Variants in KCTD9 observed in about 807,000 individuals in gnomAD.
KCTD9 encodes BTB/POZ domain-containing protein KCTD9.
In KCTD9, 17 loss-of-function variants were observed where a neutral mutation model predicts 53.3. The observed-to-expected ratio is 0.32, with a 90% CI of 0.22 to 0.48. The LOEUF (loss-of-function observed/expected upper bound fraction) is 0.48. KCTD9 is among the 20% of genes least tolerant of loss of function. The probability of loss-of-function intolerance (pLI) is 0.99; values close to 1 mark genes in which losing one functional copy is unlikely to be tolerated. For missense variants in KCTD9, 179 were observed against 465.5 expected, an observed-to-expected ratio of 0.38 and a Z score of 5.66; for synonymous variants, 128 against 162.7, an observed-to-expected ratio of 0.79 and a Z score of 1.62.
chr8:25,451,285 C>T lies in KCTD9; in HGVS notation c.49-5035G>A, dbSNP rs140144689. On this transcript the variant is annotated intron_variant, in intron 1 of 11. Coordinates refer to ENST00000221200, the MANE Select transcript of KCTD9 (RefSeq NM_017634.4). ...ACATATGGAAAAGATGATTAAGTTACGGAGAAAGTTGCAAACAGACTGGCA... is the reference window on the plus strand; with the variant it reads ...ACATATGGAAAAGATGATTAAGTTATGGAGAAAGTTGCAAACAGACTGGCA... Among the ~76,000 whole-genome samples, 338 of 152,196 alleles carry T rather than the reference C, an allele frequency of 2.2e-3. 4 individuals are homozygous for T. Among genetic ancestry groups the T allele is most frequent in the African/African-American group, 7.8e-3 (324 of 41,518 alleles).
rs1801884683 is a variant in KCTD9, at chr8:25,429,050, G to T, written c.*807C>A. ...GAAAACTAGGCTAATAGTGTAAATA[G>T]ATAGAATTGCTTGATCTGGTGTTGA... is the stretch of plus-strand genomic sequence containing the variant. On this transcript the variant is annotated 3_prime_UTR_variant, in exon 12 of 12. Transcript: ENST00000221200. 6.6e-6 allele frequency: 1 copy of T among 152,164 alleles called. No individual in the cohort carries two copies. Among genetic ancestry groups the T allele is most frequent in the Non-Finnish European group, 1.5e-5 (1 of 68,026 alleles). The allele number at this position is 152,164 out of a possible 1,614,324, so 9.4% of individuals were successfully genotyped here.
At position 25,432,650 on chromosome 8, in the gene KCTD9, C is replaced by T. The variant is rs781641755; in HGVS notation, c.920-13G>A. On this transcript the variant is annotated splice_polypyrimidine_tract_variant and intron_variant, in intron 10 of 11. Coordinates refer to ENST00000221200, the MANE Select transcript of KCTD9 (RefSeq NM_017634.4). ...TTCAGATTAGCACCTACAGTGAACA[C>T]ATTCTGGGAGTAGTTTAACTTAAAA... The T allele has an allele frequency of 7.5e-6, 12 of 1,601,208 alleles. No homozygotes were observed. The Admixed American group carries it at 2.1e-4, about 28-fold the overall frequency.
chr8:25,436,486 C>A lies in KCTD9; in HGVS notation c.500-1G>T. 1 of 1,544,446 alleles carries A rather than the reference C, an allele frequency of 6.5e-7. No homozygotes were observed. The highest frequency in any genetic ancestry group is 8.7e-7 in the Non-Finnish European group (1 of 1,147,732). On this transcript the variant is annotated splice_acceptor_variant, in intron 6 of 11. Coordinates refer to ENST00000221200, the MANE Select transcript of KCTD9 (RefSeq NM_017634.4). LOFTEE classifies it high-confidence loss of function. ...AAAAATCTTGCTTCTTCTAACACAC[C>A]TATCAGAACAAAAATAATTCTGAAA... is the stretch of plus-strand genomic sequence containing the variant.
intron 9 of KCTD9, 134 bp downstream of exon 9, chr8:25,435,229 C>A: frequency 1.7e-6 from 1 of 573,798 alleles, no homozygotes; most frequent in Non-Finnish European, 2.8e-6. Flanking sequence ...AGTCTTATAT[C>A]AACATAATAA....
At position 25,439,674 on chromosome 8, in the gene KCTD9, C is replaced by G. The variant is rs374734922; in HGVS notation, c.312-10G>C. ...ATTCACTAAAGTGCTCCTAAGAATT[C>G]AGGGAAAAAAATTGATTTCTCCATT... On this transcript the variant is annotated splice_polypyrimidine_tract_variant and intron_variant, in intron 4 of 11. Transcript: ENST00000221200. 4.3e-6 allele frequency: 7 copies of G among 1,613,242 alleles called. No homozygotes were observed. Among genetic ancestry groups the G allele is most frequent in the African/African-American group, 4.0e-5 (3 of 74,858 alleles).
At chr8:25,446,324 C>G (rs1802213337) in intron 1 of KCTD9, 74 bp from the exon 2 acceptor site, 2 of 1,493,826 alleles carry the variant, frequency 1.3e-6, no homozygotes, top group Non-Finnish European at 9.2e-7. Flanking sequence ...AACTACCACA[C>G]TAGAACAGTG....
chr8:25,446,038 T>C, intron 2 of KCTD9, 91 bp downstream of exon 2: 2 of 1,509,752 alleles, frequency 1.3e-6, no homozygotes, highest in South Asian at 1.3e-5. Flanking sequence ...CCTGTACTCT[T>C]AACAGTGATT....
At chr8:25,452,014 T>C (rs931764585) in intron 1 of KCTD9, among the ~76,000 whole-genome samples, 1 of 152,190 alleles carries the variant, frequency 6.6e-6, no homozygotes, top group East Asian at 1.9e-4. Context: ...AAAGTTGTTA[T>C]GATAAATACA....
chr8:25,458,214 G>T lies in KCTD9; in HGVS notation c.33C>A (p.Ser11Arg). The T allele has an allele frequency of 6.2e-7, 1 of 1,609,070 alleles. No homozygotes were observed. Among genetic ancestry groups the T allele is most frequent in the East Asian group, 2.2e-5 (1 of 44,750 alleles). ...CCCCCGTTACCTTTCCGTTCTTGGG[G>T]CTGCCGTTCAGGAACAGGGTCACCC... MRRVTLFLNG[S>R]PKNGKVVAVY... Residue 11 changes from serine to arginine, a missense_variant, in exon 1 of 12, where the codon AGC (serine) becomes AGA (arginine). By Grantham distance (110) the Ser-to-Arg change is moderately radical (BLOSUM62 -1). Coordinates refer to ENST00000221200, the MANE Select transcript of KCTD9 (RefSeq NM_017634.4).
chr8:25,449,899 C>A (rs564905508), intron 1 of KCTD9, among the ~76,000 whole-genome samples: 1 of 152,022 alleles, frequency 6.6e-6, no homozygotes, highest in South Asian at 2.1e-4. Context: ...CCCAAAGTAA[C>A]AAACTGATGA....
intron 6 of KCTD9, among the ~76,000 whole-genome samples, chr8:25,436,997 T>C (rs1488058296): frequency 6.6e-6 from 1 of 152,206 alleles, no homozygotes; most frequent in Non-Finnish European, 1.5e-5. Flanking sequence ...AATCCCTCCC[T>C]TCAAACACTT....
chr8:25,438,378 T>C (rs2117402409), intron 6 of KCTD9, among the ~76,000 whole-genome samples: 1 of 151,848 alleles, frequency 6.6e-6, no homozygotes, highest in East Asian at 1.9e-4. Context: ...TAAAAGTTAA[T>C]GGGTGTTTTG....
chr8:25,439,280 C>A lies in KCTD9; in HGVS notation c.498G>T (p.Leu166Phe). The change falls in exon 6 of 12, where the codon TTG becomes TTT. Residue 166 changes from leucine to phenylalanine, a missense_variant and splice_region_variant. Transcript: ENST00000221200. ...QLIVNDGINL[L>F]GVLEEARFFG... Reference sequence around the variant, plus strand: ...TATTGAAAGTCTAAATAAACTCACCCAATAAATTAATGCCATCATTTACAA... The same window carrying A: ...TATTGAAAGTCTAAATAAACTCACCAAATAAATTAATGCCATCATTTACAA... The A allele has an allele frequency of 6.3e-7, 1 of 1,585,524 alleles. No homozygotes were observed. Among genetic ancestry groups the A allele is most frequent in the Non-Finnish European group, 8.6e-7 (1 of 1,168,250 alleles).
At chr8:25,452,549 C>A (rs1370618623) in intron 1 of KCTD9, among the ~76,000 whole-genome samples, 1 of 152,194 alleles carries the variant, frequency 6.6e-6, no homozygotes, top group Non-Finnish European at 1.5e-5. Context: ...CCCAGACCTA[C>A]TGAATATTAA....
In KCTD9 at chr8:25,430,079, A is replaced by G. The variant is rs145477833; in HGVS notation, c.1054-106T>C. ...GCAGATTAGGAAAATGTTCTTATAC[A>G]ATAAAACTCAGTTAATTTCCGGAAA... On this transcript the variant is annotated intron_variant, in intron 11 of 11. Coordinates refer to ENST00000221200, the MANE Select transcript of KCTD9 (RefSeq NM_017634.4). 7.2e-5 allele frequency: 51 copies of G among 712,050 alleles called. 1 individual carries two copies. The East Asian group carries it at 1.3e-3, about 18-fold the overall frequency. The allele number at this position is 712,050 out of a possible 1,614,324, so 44.1% of individuals were successfully genotyped here.
chr8:25,455,099 C>A (rs1015139224), intron 1 of KCTD9, among the ~76,000 whole-genome samples: 6 of 152,042 alleles, frequency 3.9e-5, no homozygotes, highest in Admixed American at 2.0e-4. Context: ...GTGGCAAGCC[C>A]CTGTAATCCC....
intron 6 of KCTD9, 121 bp downstream of exon 6, chr8:25,439,158 A>G (rs1254540659): frequency 7.4e-6 from 6 of 812,606 alleles, no homozygotes; most frequent in Non-Finnish European, 1.1e-5. Flanking sequence ...TAAAAAATAG[A>G]AAAAATATAT....
chr8:25,436,502 A>C lies in KCTD9; in HGVS notation c.500-17T>G, dbSNP rs2271113. The C allele has an allele frequency of 2.2e-4, 331 of 1,479,684 alleles. No individual in the cohort carries two copies. In the East Asian group the frequency reaches 7.1e-3, roughly 32 times the overall value. 91.7% of individuals were successfully genotyped at this position (1,479,684 alleles called of 1,614,324 possible). On this transcript the variant is annotated splice_polypyrimidine_tract_variant and intron_variant, in intron 6 of 11. Transcript: ENST00000221200. ...CTAACACACCTATCAGAACAAAAAT[A>C]ATTCTGAAACAACCTAATTTAGTGA... is the stretch of plus-strand genomic sequence containing the variant.
intron 1 of KCTD9, among the ~76,000 whole-genome samples, chr8:25,448,579 G>A (rs1427140567): frequency 1.3e-5 from 2 of 152,120 alleles, no homozygotes; most frequent in Non-Finnish European, 2.9e-5. Context: ...CAAAGCACTT[G>A]GCACAGTGTC....
Sources: allele counts gnomAD v4.1 joint callset (sites outside exome capture counted in the v4.1 genomes callset), GRCh38; gene constraint gnomAD v4.1.1; transcripts MANE v1.5; gene names NCBI Gene and HGNC (gene_info 2026-07-23, HGNC 2026-07-21).